Variants in CAMTA1 observed in about 807,000 individuals in gnomAD.
The protein encoded by CAMTA1 is calmodulin binding transcription activator 1.
A neutral mutation model predicts 170.9 loss-of-function variants in CAMTA1; 27 were observed. That is an observed-to-expected ratio of 0.16 (90% confidence interval 0.12 to 0.22). The LOEUF is 0.22. Ranked by LOEUF, CAMTA1 falls within the 10% of genes least tolerant of loss-of-function variation. CAMTA1 has a pLI of 1.00. For missense variants in CAMTA1, 1,619 were observed against 2,217.2 expected (o/e 0.73, Z 5.42); for synonymous variants, 833 against 891.5 (o/e 0.93, Z 1.17).
intron 11 of CAMTA1, chr1:7,698,578 A>G (rs1438445682): frequency 1.3e-5 from 2 of 152,364 alleles, no homozygotes; most frequent in African/African-American, 4.8e-5. Context: ...TTCTTCCTGG[A>G]TGGCTCAGGG....
At chr1:7,421,058 C>T (rs1040387901) in intron 5 of CAMTA1, among the ~76,000 whole-genome samples, 2 of 152,200 alleles carry the variant, frequency 1.3e-5, no homozygotes, top group African/African-American at 2.4e-5. Context: ...TCCTGGCTGT[C>T]TTCTGGCCTT....
At chr1:6,875,793 C>T (rs919035381) in intron 3 of CAMTA1, among the ~76,000 whole-genome samples, 3 of 152,178 alleles carry the variant, frequency 2.0e-5, no homozygotes, top group African/African-American at 7.2e-5. Flanking sequence ...GAAACACTTG[C>T]CCCATCCCAA....
intron 6 of CAMTA1, among the ~76,000 whole-genome samples, chr1:7,607,706 A>T (rs977772518): frequency 2.0e-5 from 3 of 152,184 alleles, no homozygotes; most frequent in African/African-American, 7.2e-5. Flanking sequence ...TGGACTGTTG[A>T]GTGAATGAAT....
chr1:6,927,808 G>T (rs1203354733), intron 3 of CAMTA1, among the ~76,000 whole-genome samples: 1 of 152,248 alleles, frequency 6.6e-6, no homozygotes, highest in East Asian at 1.9e-4. Flanking sequence ...TGAGTTAGCA[G>T]AGGCTCCTCA....
chr1:7,622,431 CTT>C (rs2095605148), intron 6 of CAMTA1, among the ~76,000 whole-genome samples: 1 of 152,230 alleles, frequency 6.6e-6, no homozygotes, highest in African/African-American at 2.4e-5. Context: ...TTGGTGTATT[CTT>C]TCTATCTTAT....
intron 6 of CAMTA1, among the ~76,000 whole-genome samples, chr1:7,488,633 A>G (rs1038603701): frequency 1.3e-5 from 2 of 151,492 alleles, no homozygotes; most frequent in Non-Finnish European, 2.9e-5. Flanking sequence ...TACAATATAC[A>G]TATACATATA....
Position 7,664,692 on chromosome 1 carries a change from T to C in CAMTA1, c.2145T>C (p.Ser715=). ...CTGGGGAGCTGCAGGCTTGCAGCTC[T>C]GAGCACTACCTGCAGCCGGAGACCA... The part of the protein sequence containing the change: ...LKSGELQACS[S]EHYLQPETNG... Residue 715 remains serine (S), a synonymous_variant, in exon 9 of 23, where the codon TCT becomes TCC. Transcript: ENST00000303635. The C allele has an allele frequency of 1.2e-6, 2 of 1,608,036 alleles. No homozygotes were observed. The highest frequency in any genetic ancestry group is 1.7e-6 in the Non-Finnish European group (2 of 1,175,932).
At chr1:7,741,622 C>T (rs1164161481) in intron 16 of CAMTA1, among the ~76,000 whole-genome samples, 1 of 151,842 alleles carries the variant, frequency 6.6e-6, no homozygotes, top group African/African-American at 2.4e-5. Flanking sequence ...AGGACAGGTG[C>T]GGTGGCTCAT....
chr1:7,436,956 G>T (rs1185502453), intron 5 of CAMTA1, among the ~76,000 whole-genome samples: 2 of 152,110 alleles, frequency 1.3e-5, no homozygotes, highest in Admixed American at 1.3e-4. Flanking sequence ...CCTGCACGTT[G>T]GGGGGAATGG....
At chr1:7,389,929 G>A (rs2088498829) in intron 5 of CAMTA1, among the ~76,000 whole-genome samples, 1 of 152,144 alleles carries the variant, frequency 6.6e-6, no homozygotes, top group African/African-American at 2.4e-5. Context: ...TTCCAAGTCA[G>A]GGCCACTAGT....
intron 4 of CAMTA1, among the ~76,000 whole-genome samples, chr1:7,228,251 T>G (rs1049135942): frequency 6.6e-6 from 1 of 152,228 alleles, no homozygotes; most frequent in Non-Finnish European, 1.5e-5. Flanking sequence ...AATCCAGAGA[T>G]GCAGTCCTGT....
intron 3 of CAMTA1, among the ~76,000 whole-genome samples, chr1:6,835,909 T>C (rs1275249609): frequency 6.6e-6 from 1 of 152,216 alleles, no homozygotes; most frequent in Non-Finnish European, 1.5e-5. Context: ...AGAGGGCATA[T>C]AGAAGCATAT....
intron 6 of CAMTA1, among the ~76,000 whole-genome samples, chr1:7,630,175 G>C (rs2095659647): frequency 6.6e-6 from 1 of 152,186 alleles, no homozygotes; most frequent in East Asian, 1.9e-4. Context: ...CCCCTCCCGG[G>C]CAGCGCCCCT....
chr1:6,853,625 A>G (rs1661222601), intron 3 of CAMTA1, among the ~76,000 whole-genome samples: 1 of 152,200 alleles, frequency 6.6e-6, no homozygotes, highest in South Asian at 2.1e-4. Context: ...CAAAATTTCT[A>G]ATTAAAAAGC....
chr1:6,929,767 G>T (rs935454897), intron 3 of CAMTA1, among the ~76,000 whole-genome samples: 26 of 152,332 alleles, frequency 1.7e-4, no homozygotes, highest in African/African-American at 6.0e-4. Flanking sequence ...AAAGTGTTGG[G>T]ATTACCGGCG....
At chr1:7,669,178 T>G (rs1045797063) in intron 9 of CAMTA1, among the ~76,000 whole-genome samples, 3 of 152,254 alleles carry the variant, frequency 2.0e-5, no homozygotes, top group African/African-American at 7.2e-5. Flanking sequence ...TTCTCGGTCC[T>G]GAGCTCTCTC....
At chr1:6,792,342 GT>G (rs75615458) in intron 1 of CAMTA1, among the ~76,000 whole-genome samples, 1,608 of 133,810 alleles carry the variant, frequency 0.012, 17 homozygotes, top group South Asian at 0.052. Flanking sequence ...GTGGTTTTGG[GT>G]TTTTTTTTTT....
chr1:6,892,553 A>G (rs993955175), intron 3 of CAMTA1, among the ~76,000 whole-genome samples: 1 of 151,824 alleles, frequency 6.6e-6, no homozygotes, highest in Non-Finnish European at 1.5e-5. Flanking sequence ...TTGGGATCCA[A>G]TCTGAAAACA....
At chr1:7,464,973 C>T (rs2093176482) in intron 5 of CAMTA1, among the ~76,000 whole-genome samples, 2 of 152,174 alleles carry the variant, frequency 1.3e-5, no homozygotes, top group African/African-American at 4.8e-5. Context: ...AGCTGCTTTC[C>T]CCACTTGGAC....
Sources: allele counts gnomAD v4.1 joint callset (sites outside exome capture counted in the v4.1 genomes callset), GRCh38; gene constraint gnomAD v4.1.1; transcripts MANE v1.5; gene names NCBI Gene and HGNC (gene_info 2026-07-23, HGNC 2026-07-21).